Variants in PLPP3 observed in about 807,000 individuals in gnomAD.
PLPP3 encodes the protein phospholipid phosphatase 3.
In PLPP3, 6 loss-of-function variants were observed where a neutral mutation model predicts 29.6. That is an observed-to-expected ratio of 0.20 (90% CI 0.11 to 0.40). The LOEUF (loss-of-function observed/expected upper bound fraction) is 0.40, where lower values mean the gene tolerates loss of function less well. Among genes scored for constraint, PLPP3 ranks in the 10% least tolerant of loss-of-function variants. The probability of loss-of-function intolerance (pLI) is 1.00; values close to 1 mark genes in which losing one functional copy is unlikely to be tolerated. For missense variants in PLPP3, 308 were observed against 407.7 expected, an observed-to-expected ratio of 0.76 and a Z score of 2.11; for synonymous variants, 152 against 159.7, an observed-to-expected ratio of 0.95 and a Z score of 0.36.
chr1:56,550,224 C>A (rs998706062), intron 1 of PLPP3, among the ~76,000 whole-genome samples: 1 of 152,154 alleles, frequency 6.6e-6, no homozygotes, highest in Non-Finnish European at 1.5e-5. Flanking sequence ...CCCCTTCCCC[C>A]ACCAGAATGG....
rs1172831045 is a variant in PLPP3, at chr1:56,567,393, CTTTT to C, written c.139+11481_139+11484del. Among the ~76,000 whole-genome samples the C allele has an allele frequency of 3.4e-5, 4 of 116,960 alleles. No individual in the cohort carries two copies. In the East Asian group the frequency reaches 1.1e-3, roughly 32 times the overall value. The allele number at this position is 116,960 out of a possible 152,430, so 76.7% of individuals were successfully genotyped here. A position where few individuals can be genotyped will look rare whatever the true frequency, so the allele number is the denominator to read the frequency against. ...TGTCTGCATTAATCTTAAGGTATTT[CTTTT>C]TTTTTTTTTTTTTTTTTTGAGATGG... On this transcript the variant is annotated intron_variant, in intron 1 of 5. Coordinates refer to ENST00000371250, the MANE Select transcript of PLPP3 (RefSeq NM_003713.5).
intron 2 of PLPP3, among the ~76,000 whole-genome samples, chr1:56,534,575 C>A (rs1645911936): frequency 6.6e-6 from 1 of 152,182 alleles, no homozygotes; most frequent in Non-Finnish European, 1.5e-5. Context: ...GGCCCCTCCA[C>A]CCTCCACGTC....
chr1:56,572,536 T>G (rs1646206865), intron 1 of PLPP3, among the ~76,000 whole-genome samples: 1 of 152,150 alleles, frequency 6.6e-6, no homozygotes. Flanking sequence ...CACCAAAGCC[T>G]ATTGAGGTTC....
intron 1 of PLPP3, among the ~76,000 whole-genome samples, chr1:56,570,109 G>A (rs1380849657): frequency 6.6e-6 from 1 of 152,190 alleles, no homozygotes; most frequent in Non-Finnish European, 1.5e-5. Flanking sequence ...TATAGTAGGT[G>A]CTCAAGAATC....
intron 1 of PLPP3, among the ~76,000 whole-genome samples, chr1:56,564,950 A>G (rs553233836): frequency 2.0e-5 from 3 of 152,256 alleles, no homozygotes; most frequent in East Asian, 3.9e-4. Flanking sequence ...CTCTGATCAT[A>G]TGTGTGTGCA....
At chr1:56,577,896 T>C (rs1173282433) in intron 1 of PLPP3, among the ~76,000 whole-genome samples, 1 of 151,734 alleles carries the variant, frequency 6.6e-6, no homozygotes, top group Non-Finnish European at 1.5e-5. Flanking sequence ...ACAAGTACTG[T>C]GCGTTTTCCA....
At position 56,494,904 on chromosome 1, in the gene PLPP3, T is replaced by G. The variant is rs1050155119; in HGVS notation, c.*1647A>C. The G allele has an allele frequency of 1.3e-5, 2 of 152,606 alleles. No individual in the cohort carries two copies. Among genetic ancestry groups the G allele is most frequent in the African/African-American group, 2.4e-5 (1 of 41,456 alleles). The allele number at this position is 152,606 out of a possible 1,614,324, so 9.5% of individuals were successfully genotyped here. ...GGAACCTTACAAAAATACTGACAATTTAATGTTTTTATACAGTTTTCTCTA... is the reference window on the plus strand; with the variant it reads ...GGAACCTTACAAAAATACTGACAATGTAATGTTTTTATACAGTTTTCTCTA... On this transcript the variant is annotated 3_prime_UTR_variant, in exon 6 of 6. Transcript: ENST00000371250.
At chr1:56,532,596 G>A (rs763357526) in intron 2 of PLPP3, among the ~76,000 whole-genome samples, 5 of 152,126 alleles carry the variant, frequency 3.3e-5, no homozygotes, top group Non-Finnish European at 5.9e-5. Context: ...ATTTGCATGT[G>A]GTACAGAGTG....
chr1:56,517,417 T>C (rs1248931299), intron 4 of PLPP3, among the ~76,000 whole-genome samples: 2 of 152,244 alleles, frequency 1.3e-5, no homozygotes, highest in African/African-American at 4.8e-5. Context: ...CTTCTGTCAC[T>C]ATCAGAGGGA....
chr1:56,515,749 G>T (rs986961476), intron 4 of PLPP3, among the ~76,000 whole-genome samples: 4 of 152,184 alleles, frequency 2.6e-5, no homozygotes, highest in Non-Finnish European at 4.4e-5. Flanking sequence ...TGCAGCAGGG[G>T]ATTTTGGGGA....
chr1:56,499,572 A>G (rs1645652778), intron 5 of PLPP3, among the ~76,000 whole-genome samples: 1 of 152,208 alleles, frequency 6.6e-6, no homozygotes. Flanking sequence ...CAACTCCTAC[A>G]GACTTGAGGG....
chr1:56,576,269 TTAATA>T (rs1400808012), intron 1 of PLPP3, among the ~76,000 whole-genome samples: 5 of 152,188 alleles, frequency 3.3e-5, no homozygotes, highest in African/African-American at 9.7e-5. Context: ...GTCTCTCTTC[TTAATA>T]TATTAGTGCC....
intron 1 of PLPP3, among the ~76,000 whole-genome samples, chr1:56,571,572 C>A (rs550763779): frequency 1.3e-5 from 2 of 152,128 alleles, no homozygotes; most frequent in Non-Finnish European, 2.9e-5. Flanking sequence ...TCTAAAGATT[C>A]CATGAATCTA....
chr1:56,554,861 G>A (rs185083443), intron 1 of PLPP3, among the ~76,000 whole-genome samples: 8 of 152,210 alleles, frequency 5.3e-5, no homozygotes, highest in African/African-American at 1.9e-4. Flanking sequence ...AATAAAATGT[G>A]TCTTGGAACT....
At chr1:56,509,018 C>T (rs979469299) in intron 5 of PLPP3, among the ~76,000 whole-genome samples, 1 of 152,198 alleles carries the variant, frequency 6.6e-6, no homozygotes, top group Admixed American at 6.5e-5. Context: ...CAGGCACTTC[C>T]CTGTCCTGGC....
intron 2 of PLPP3, among the ~76,000 whole-genome samples, chr1:56,536,714 A>AT (rs1410115428): frequency 1.3e-5 from 2 of 152,060 alleles, no homozygotes; most frequent in Admixed American, 1.3e-4. Flanking sequence ...CTGAACCTGA[A>AT]TTTTTTGTAG....
At chr1:56,533,840 C>A (rs1645906778) in intron 2 of PLPP3, among the ~76,000 whole-genome samples, 1 of 152,178 alleles carries the variant, frequency 6.6e-6, no homozygotes, top group Non-Finnish European at 1.5e-5. Context: ...AATGAGTAAG[C>A]ACTCAAGTTG....
chr1:56,538,542 A>C (rs1031224160), intron 1 of PLPP3: 3 of 384,366 alleles, frequency 7.8e-6, no homozygotes, highest in South Asian at 7.2e-5. Context: ...GGCCACGTAT[A>C]TGAGAATCTA....
rs563958545 is a variant in PLPP3, at chr1:56,575,567, G to C, written c.139+3311C>G. On this transcript the variant is annotated intron_variant, in intron 1 of 5. Transcript: ENST00000371250. Reference sequence around the variant, plus strand: ...GGTAACTGGGAAATCGGGAGAGGCAGAACTTTCTGCAAACCGAGCTTCAGA... The same window carrying C: ...GGTAACTGGGAAATCGGGAGAGGCACAACTTTCTGCAAACCGAGCTTCAGA... Among the ~76,000 whole-genome samples the C allele has an allele frequency of 2.0e-4, 30 of 152,310 alleles. 1 individual carries two copies. The highest frequency in any genetic ancestry group is 7.0e-4 in the African/African-American group (29 of 41,574).
Sources: allele counts gnomAD v4.1 joint callset (sites outside exome capture counted in the v4.1 genomes callset), GRCh38; gene constraint gnomAD v4.1.1; transcripts MANE v1.5; gene names NCBI Gene and HGNC (gene_info 2026-07-23, HGNC 2026-07-21).